APBB2: variants seen among roughly 807,000 people sequenced by gnomAD.
APBB2 encodes the protein amyloid beta precursor protein binding family B member 2.
In APBB2, 38 loss-of-function variants were observed where a neutral mutation model predicts 82.5. The observed-to-expected ratio is 0.46, with a 90% CI of 0.36 to 0.60. APBB2 has a LOEUF of 0.60. Among genes scored for constraint, APBB2 ranks in the 20% least tolerant of loss-of-function variants. The pLI, the probability that APBB2 is intolerant of heterozygous loss-of-function variation, is 0.00. For synonymous variants in APBB2, 341 were observed against 368.2 expected, an observed-to-expected ratio of 0.93 and a Z score of 0.85; for missense variants, 772 against 972.3, an observed-to-expected ratio of 0.79 and a Z score of 2.74.
chr4:41,019,080 TCTATC>T (rs1810777147), intron 5 of APBB2, among the ~76,000 whole-genome samples: 1 of 152,148 alleles, frequency 6.6e-6, no homozygotes, highest in Non-Finnish European at 1.5e-5. Flanking sequence ...ACTGGTGACT[TCTATC>T]ATATCAGCTT....
intron 1 of APBB2, among the ~76,000 whole-genome samples, chr4:41,206,950 C>A (rs1778088681): frequency 6.6e-6 from 1 of 152,094 alleles, no homozygotes; most frequent in Non-Finnish European, 1.5e-5. Flanking sequence ...GTAATCCCAG[C>A]ACTTTGAGAG....
intron 5 of APBB2, among the ~76,000 whole-genome samples, chr4:41,027,428 T>G (rs1453367771): frequency 1.4e-5 from 2 of 146,632 alleles, no homozygotes; most frequent in East Asian, 3.9e-4. Context: ...ACTCCCAGAC[T>G]GTAGTACAAA....
At chr4:41,033,210 T>C (rs374758684) in intron 5 of APBB2, 26 bp downstream of exon 5, 44 of 1,463,620 alleles carry the variant, frequency 3.0e-5, no homozygotes, top group Middle Eastern at 1.8e-4. Context: ...CTTCTCTGCA[T>C]TGAAATATGA....
intron 1 of APBB2, among the ~76,000 whole-genome samples, chr4:41,165,451 T>C (rs1766259444): frequency 6.6e-6 from 1 of 152,182 alleles, no homozygotes; most frequent in Non-Finnish European, 1.5e-5. Flanking sequence ...TGTAACCAAG[T>C]ACCCCGATAG....
rs559407436 is a variant in APBB2, at chr4:40,880,155, C to T, written c.1529+10209G>A. On this transcript the variant is annotated intron_variant, in intron 12 of 17. Transcript: ENST00000508593. ...ACAGTGGCACACAGAGCGCCCCTAA[C>T]ATCAGTGCAAAGGAAGAGGCACAAT... The T allele has an allele frequency of 3.0e-6, 3 of 985,448 alleles. No homozygotes were observed. In the South Asian group the frequency reaches 1.4e-4, roughly 46 times the overall value. 61.0% of individuals were successfully genotyped at this position (985,448 alleles called of 1,614,324 possible).
At position 40,879,495 on chromosome 4, in the gene APBB2, A is replaced by C. The variant is rs1489469373; in HGVS notation, c.1529+10869T>G. Among the ~76,000 whole-genome samples, 3 of 152,132 alleles carry C rather than the reference A, an allele frequency of 2.0e-5. No individual in the cohort carries two copies. The East Asian group carries it at 5.8e-4, about 29-fold the overall frequency. ...GCCATTTTGGGGGGCTCTGAACAAC[A>C]ATTTTAGCCTTTGAAGGGCAGCATC... On this transcript the variant is annotated intron_variant, in intron 12 of 17. Coordinates refer to ENST00000508593, the MANE Select transcript of APBB2 (RefSeq NM_004307.2).
chr4:40,878,113 G>A (rs1767391342), intron 12 of APBB2, among the ~76,000 whole-genome samples: 1 of 148,540 alleles, frequency 6.7e-6, no homozygotes, highest in South Asian at 2.1e-4. Flanking sequence ...TTGGGAGGCT[G>A]AGGAAGGCGG....
At chr4:41,139,355 T>C (rs1267553656) in intron 2 of APBB2, among the ~76,000 whole-genome samples, 2 of 152,132 alleles carry the variant, frequency 1.3e-5, no homozygotes, top group Non-Finnish European at 2.9e-5. Flanking sequence ...GAGGGGAAAT[T>C]TGTCAACTTG....
chr4:41,151,612 C>T (rs990847476), intron 1 of APBB2, among the ~76,000 whole-genome samples: 1 of 134,824 alleles, frequency 7.4e-6, no homozygotes, highest in Admixed American at 6.9e-5. Flanking sequence ...TTGCTTTTTC[C>T]TTGAATGACA....
chr4:41,151,157 C>T (rs1762179167), intron 1 of APBB2, among the ~76,000 whole-genome samples: 1 of 152,062 alleles, frequency 6.6e-6, no homozygotes, highest in Admixed American at 6.6e-5. Context: ...TTTTTAATGG[C>T]ATTTTAAAGA....
At chr4:40,990,415 T>C (rs1291779556) in intron 6 of APBB2, 4 of 152,200 alleles carry the variant, frequency 2.6e-5, no homozygotes, top group Non-Finnish European at 5.9e-5. Flanking sequence ...TGTTCTTTTT[T>C]GCAAAAGTGC....
intron 1 of APBB2, among the ~76,000 whole-genome samples, chr4:41,214,107 G>A (rs1293881113): frequency 6.6e-6 from 1 of 152,202 alleles, no homozygotes; most frequent in Admixed American, 6.5e-5. Flanking sequence ...GGGAGGGATG[G>A]AAGTCAAGGA....
In APBB2 at chr4:41,019,960, G is replaced by C. The variant is rs550257496; in HGVS notation, c.20-5562C>G. 3.3e-5 allele frequency among the ~76,000 whole-genome samples: 5 copies of C among 151,718 alleles called. No individual in the cohort carries two copies. In the South Asian group the frequency reaches 1.0e-3, roughly 32 times the overall value. On this transcript the variant is annotated intron_variant, in intron 5 of 17. Transcript: ENST00000508593. ...AGAGACAGACAAGGAGTCGAAGAGA[G>C]AGGAGGGAAAGACAGAGACAGAGAG...
At chr4:40,848,554 T>C (rs537270059) in intron 12 of APBB2, among the ~76,000 whole-genome samples, 2 of 152,296 alleles carry the variant, frequency 1.3e-5, no homozygotes, top group South Asian at 2.1e-4. Flanking sequence ...CTGCTCTGCC[T>C]TTCTCTCTCT....
intron 4 of APBB2, among the ~76,000 whole-genome samples, chr4:41,044,531 A>C (rs527373663): frequency 6.6e-6 from 1 of 152,340 alleles, no homozygotes; most frequent in East Asian, 1.9e-4. Flanking sequence ...GGAGGAGCTC[A>C]TGAGGAGCAA....
intron 10 of APBB2, among the ~76,000 whole-genome samples, chr4:40,930,345 G>A (rs114681273): frequency 0.017 from 2,556 of 152,080 alleles, 65 homozygotes; most frequent in African/African-American, 0.058. Flanking sequence ...CAAGTACAAA[G>A]ACTTTACTGC....
chr4:41,002,751 T>C (rs1285547715), intron 6 of APBB2, among the ~76,000 whole-genome samples: 1 of 152,226 alleles, frequency 6.6e-6, no homozygotes, highest in Non-Finnish European at 1.5e-5. Flanking sequence ...GCATTTTCTG[T>C]AACACTGTCC....
intron 12 of APBB2, among the ~76,000 whole-genome samples, chr4:40,835,026 C>T (rs1285939680): frequency 1.3e-5 from 2 of 152,164 alleles, no homozygotes; most frequent in Non-Finnish European, 2.9e-5. Flanking sequence ...TGCCTGTAAT[C>T]CCAGCACTTT....
In APBB2 at chr4:40,881,529, TTTTTC is replaced by T. The variant is rs1488128507; in HGVS notation, c.1529+8830_1529+8834del. ...TTCTTTCCTTTTATCTTTTCTTTTC[TTTTTC>T]TTTTTTTTTTTTTTTTTGATACAGA... On this transcript the variant is annotated intron_variant, in intron 12 of 17. Transcript: ENST00000508593. The T allele has an allele frequency of 1.5e-4, 22 of 145,008 alleles. 1 individual carries two copies. Among genetic ancestry groups the T allele is most frequent in the South Asian group, 4.7e-4 (1 of 2,110 alleles). The allele number at this position is 145,008 out of a possible 1,614,324, so 9.0% of individuals were successfully genotyped here. A position where few individuals can be genotyped will look rare whatever the true frequency, so the allele number is the denominator to read the frequency against.
Sources: allele counts gnomAD v4.1 joint callset (sites outside exome capture counted in the v4.1 genomes callset), GRCh38; gene constraint gnomAD v4.1.1; transcripts MANE v1.5; gene names NCBI Gene and HGNC (gene_info 2026-07-23, HGNC 2026-07-21).